The following ANKRD24 variants were observed in gnomAD, a reference collection of about 807,000 sequenced individuals.
ANKRD24 encodes ankyrin repeat domain 24, also known as ankyrin repeat domain-containing protein 24.
In ANKRD24, 109 loss-of-function variants were observed where a neutral mutation model predicts 127.8. That is an observed-to-expected ratio of 0.85 (90% CI 0.73 to 1.00). The LOEUF is 1.00. Ranked by LOEUF, ANKRD24 falls within the 50% of genes least tolerant of loss-of-function variation. The pLI, the probability that ANKRD24 is intolerant of heterozygous loss-of-function variation, is 0.00. For synonymous variants in ANKRD24, 743 were observed against 671.1 expected, an observed-to-expected ratio of 1.11 and a Z score of -1.66; for missense variants, 1,648 against 1,570.2, an observed-to-expected ratio of 1.05 and a Z score of -0.84.
Position 4,182,694 on chromosome 19 carries a change from C to G in ANKRD24, c.-83C>G. 3 of 1,413,890 alleles carry G rather than the reference C, an allele frequency of 2.1e-6. No homozygotes were observed. Among genetic ancestry groups the G allele is most frequent in the Middle Eastern group, 2.0e-4 (1 of 5,080 alleles). The allele number at this position is 1,413,890 out of a possible 1,614,324, so 87.6% of individuals were successfully genotyped here. On this transcript the variant is annotated 5_prime_UTR_variant, in exon 1 of 22. Transcript: ENST00000318934. The stretch of plus-strand genomic sequence containing the variant: ...ATGCGCCTCTTGCTGACGCCGCAGG[C>G]GACATGTTATCTGCTGTCAGAAGGA...
At chr19:4,186,022 G>T (rs563011221) in intron 1 of ANKRD24, among the ~76,000 whole-genome samples, 1 of 152,298 alleles carries the variant, frequency 6.6e-6, no homozygotes, top group African/African-American at 2.4e-5. Flanking sequence ...TAACTGCACA[G>T]GTAAAAGTTA....
chr19:4,210,530 C>T (rs1404554743), intron 13 of ANKRD24, among the ~76,000 whole-genome samples, 158 bp downstream of exon 13: 1 of 152,030 alleles, frequency 6.6e-6, no homozygotes, highest in Non-Finnish European at 1.5e-5. Flanking sequence ...TCCAACTCGC[C>T]AGGCGCAGTC....
Position 4,219,498 on chromosome 19 carries a change from A to G in ANKRD24, c.3004-93A>G, listed in dbSNP as rs1464525762. On this transcript the variant is annotated intron_variant, in intron 18 of 21. Transcript: ENST00000318934. ...CCTGTCTTAAAAAAAATCCAAAAACAAAAGAACAAAGTAGAAGGATCATAT... is the reference window on the plus strand; with the variant it reads ...CCTGTCTTAAAAAAAATCCAAAAACGAAAGAACAAAGTAGAAGGATCATAT... 22 of 1,450,468 alleles carry G rather than the reference A, an allele frequency of 1.5e-5. No homozygotes were observed. The East Asian group carries it at 3.2e-4, about 21-fold the overall frequency. 89.8% of individuals were successfully genotyped at this position (1,450,468 alleles called of 1,614,324 possible).
chr19:4,210,049 C>G lies in ANKRD24; in HGVS notation c.871-9C>G. ...GGCCCCCTTCACTCTCTCTCCCCTC[C>G]CTTCCCAGAACTCTATGTCCAGCCA... On this transcript the variant is annotated splice_polypyrimidine_tract_variant and intron_variant, in intron 11 of 21. Transcript: ENST00000318934. 6.2e-7 allele frequency: 1 copy of G among 1,603,644 alleles called. No homozygotes were observed. The highest frequency in any genetic ancestry group is 8.5e-7 in the Non-Finnish European group (1 of 1,173,992).
intron 12 of ANKRD24, 56 bp from the exon 13 acceptor site, chr19:4,210,209 C>A: frequency 1.3e-6 from 2 of 1,562,020 alleles, no homozygotes; most frequent in Non-Finnish European, 1.7e-6. Flanking sequence ...CTGGCTGAGA[C>A]CTGGGATGGG....
chr19:4,209,597 G>T (rs2145338646), intron 11 of ANKRD24, among the ~76,000 whole-genome samples: 1 of 152,152 alleles, frequency 6.6e-6, no homozygotes, highest in South Asian at 2.1e-4. Flanking sequence ...CTACAGGCGT[G>T]CGCCACCATG....
At chr19:4,222,968 C>T (rs1329596806) in intron 20 of ANKRD24, among the ~76,000 whole-genome samples, 173 bp downstream of exon 20, 1 of 152,120 alleles carries the variant, frequency 6.6e-6, no homozygotes, top group Admixed American at 6.6e-5. Context: ...TTTTTTGAGA[C>T]AGGGTCTCAC....
In ANKRD24 at chr19:4,199,669, A is replaced by C. The variant is rs770322674; in HGVS notation, c.37-14A>C. The C allele has an allele frequency of 6.6e-7, 1 of 1,520,736 alleles. No homozygotes were observed. The highest frequency in any genetic ancestry group is 8.8e-7 in the Non-Finnish European group (1 of 1,138,780). The allele number at this position is 1,520,736 out of a possible 1,614,324, so 94.2% of individuals were successfully genotyped here. A position where few individuals can be genotyped will look rare whatever the true frequency, so the allele number is the denominator to read the frequency against. On this transcript the variant is annotated splice_polypyrimidine_tract_variant and intron_variant, in intron 2 of 21. Transcript: ENST00000318934. This position sits in a 1 kb window ranked among gnomAD's most constrained non-coding sequence, Gnocchi z 5.2. ...TCTGAGGACCCCCTCGCCCAGGACC[A>C]CCTCCCCCTGCAGCTGCGGCTCAGC...
intron 17 of ANKRD24, 70 bp downstream of exon 17, chr19:4,216,472 G>A: frequency 6.4e-7 from 1 of 1,556,466 alleles, no homozygotes; most frequent in Non-Finnish European, 8.7e-7. Context: ...GGTGGGCAGG[G>A]AAGGTGGCAA....
Position 4,216,654 on chromosome 19 carries a change from G to C in ANKRD24, c.1494G>C (p.Gln498His), listed in dbSNP as rs1189426598. The C allele has an allele frequency of 1.2e-6, 2 of 1,602,960 alleles. No homozygotes were observed. Among genetic ancestry groups the C allele is most frequent in the Admixed American group, 1.7e-5 (1 of 57,970 alleles). Residue 498 changes from glutamine to histidine, a missense_variant, in exon 18 of 22, where the codon CAG becomes CAC. By Grantham distance (24) the Gln-to-His change is conservative. Coordinates refer to ENST00000318934, the MANE Select transcript of ANKRD24 (RefSeq NM_001393985.1). ...ACTCTCTCCGGGCCGAGTTTGACCAGCTACGCAGGCAGCACGCTGAGGCCC... is the reference window on the plus strand; with the variant it reads ...ACTCTCTCCGGGCCGAGTTTGACCACCTACGCAGGCAGCACGCTGAGGCCC... The part of the protein sequence containing the change: ...LYDSLRAEFD[Q>H]LRRQHAEALQ...
chr19:4,222,675 A>G lies in ANKRD24; in HGVS notation c.3177A>G (p.Thr1059=), dbSNP rs1032656233. Residue 1059 remains threonine (T), a synonymous_variant, in exon 20 of 22, where the codon ACA becomes ACG. Transcript: ENST00000318934. ...GACAGCACCTGCACCCTCAGATCAC[A>G]GAACTCTCCAAAGAAGTCTTCAATC... is the stretch of plus-strand genomic sequence containing the variant. The part of the protein sequence containing the change: ...DKAKEKDKKI[T]ELSKEVFNLK... The G allele has an allele frequency of 7.5e-6, 12 of 1,605,596 alleles. No homozygotes were observed. Among genetic ancestry groups the G allele is most frequent in the Non-Finnish European group, 1.0e-5 (12 of 1,173,672 alleles).
chr19:4,210,480 C>T (rs933969646), intron 13 of ANKRD24, 108 bp downstream of exon 13: 1 of 1,019,518 alleles, frequency 9.8e-7, no homozygotes, highest in Non-Finnish European at 1.4e-6. Flanking sequence ...CTCTCTCCCT[C>T]CCCACCCTGC....
At chr19:4,201,826 A>G (rs977513971) in intron 5 of ANKRD24, among the ~76,000 whole-genome samples, 200 bp from the exon 6 acceptor site, 5 of 152,128 alleles carry the variant, frequency 3.3e-5, no homozygotes, top group Non-Finnish European at 2.9e-5. Context: ...GTTCAAGCCT[A>G]CAGTGAGCTA....
rs1970135972 is a variant in ANKRD24, at chr19:4,217,094, CAAA to C, written c.1936_1938del (p.Lys646del). 6.2e-7 allele frequency: 1 copy of C among 1,613,694 alleles called. No individual in the cohort carries two copies. The highest frequency in any genetic ancestry group is 2.2e-5 in the East Asian group (1 of 44,874). ...GCCATGGGGGTGGAGGCCACAAAAA[CAAA>C]AGCAGAGGAAGCAGAAATGCAGGCC... On this transcript the variant is annotated inframe_deletion, in exon 18 of 22. Transcript: ENST00000318934.
chr19:4,191,705 C>T (rs1968397841), intron 2 of ANKRD24, among the ~76,000 whole-genome samples: 1 of 151,910 alleles, frequency 6.6e-6, no homozygotes, highest in Non-Finnish European at 1.5e-5. Flanking sequence ...TGGTCTCGAA[C>T]TCCTGACCTC....
intron 2 of ANKRD24, among the ~76,000 whole-genome samples, chr19:4,186,667 T>G (rs544698721): frequency 6.6e-6 from 1 of 152,112 alleles, no homozygotes; most frequent in Non-Finnish European, 1.5e-5. Context: ...CCGCTCTCCA[T>G]GGAATTCCTT....
Position 4,216,465 on chromosome 19 carries a change from G to A in ANKRD24, c.1389+63G>A, listed in dbSNP as rs1456296700. On this transcript the variant is annotated intron_variant, in intron 17 of 21. Transcript: ENST00000318934. ...AGGGCTGGTTCCCTGAGGTCAGGGT[G>A]GGCAGGGAAGGTGGCAAGGCTGCCC... 4.5e-6 allele frequency: 7 copies of A among 1,554,328 alleles called. No homozygotes were observed. The East Asian group carries it at 1.2e-4, about 27-fold the overall frequency.
At chr19:4,208,128 AG>A (rs1419245540) in intron 10 of ANKRD24, among the ~76,000 whole-genome samples, 160 bp downstream of exon 10, 1 of 152,116 alleles carries the variant, frequency 6.6e-6, no homozygotes, top group Admixed American at 6.5e-5. Context: ...AAGGAGCCCC[AG>A]GGCATTTAGA....
intron 13 of ANKRD24, 106 bp from the exon 14 acceptor site, chr19:4,212,369 C>G (rs557144774): frequency 1.4e-4 from 182 of 1,329,614 alleles, no homozygotes; most frequent in Non-Finnish European, 1.7e-4. Flanking sequence ...TGAATAGTTG[C>G]ACGTGGAATG....
Sources: allele counts gnomAD v4.1 joint callset (sites outside exome capture counted in the v4.1 genomes callset), GRCh38; gene constraint gnomAD v4.1.1; non-coding constraint Gnocchi (gnomAD v3.1); transcripts MANE v1.5; gene names NCBI Gene and HGNC (gene_info 2026-07-23, HGNC 2026-07-21).